Variants in PRKX observed in about 807,000 individuals in gnomAD.
PRKX encodes the protein cAMP-dependent protein kinase catalytic subunit PRKX.
PRKX carries 12 observed loss-of-function variants against 22.0 expected under a neutral mutation model. The observed-to-expected ratio is 0.54, with a 90% CI of 0.35 to 0.88. PRKX has a LOEUF of 0.88. Ranked by LOEUF, PRKX falls within the 40% of genes least tolerant of loss-of-function variation. PRKX has a pLI of 0.01. For missense variants in PRKX, 217 were observed against 308.0 expected, an observed-to-expected ratio of 0.70 and a Z score of 2.21; for synonymous variants, 134 against 137.7, an observed-to-expected ratio of 0.97 and a Z score of 0.19.
rs377691770 is a variant in PRKX, at chrX:3,674,517, G to A, written c.335+81C>T. 2.6e-5 allele frequency: 28 copies of A among 1,064,084 alleles called. No individual in the cohort carries two copies. The African/African-American group carries it at 3.9e-4, about 15-fold the overall frequency. 87.7% of individuals were successfully genotyped at this position (1,064,084 alleles called of 1,213,427 possible). ...GGCTTTGCACGCAGGCCATGGTCTC[G>A]GCCCACCCAGCTTCTTATAAGAAGA... is the stretch of plus-strand genomic sequence containing the variant. On this transcript the variant is annotated intron_variant, in intron 2 of 8. Coordinates refer to ENST00000262848, the MANE Select transcript of PRKX (RefSeq NM_005044.5).
intron 3 of PRKX, among the ~76,000 whole-genome samples, chrX:3,650,260 G>A (rs1479744405): frequency 4.5e-5 from 5 of 111,378 alleles, no homozygotes; most frequent in South Asian, 3.8e-4. Context: ...GGTGGCTCAC[G>A]CCTGTAATCC....
intron 4 of PRKX, among the ~76,000 whole-genome samples, chrX:3,634,759 C>A (rs745395429): frequency 8.9e-6 from 1 of 112,046 alleles, no homozygotes; most frequent in African/African-American, 3.2e-5. Context: ...GACGAGACCA[C>A]AGCTCACCGC....
chrX:3,615,555 A>G (rs1219285617), intron 7 of PRKX, among the ~76,000 whole-genome samples: 1 of 111,655 alleles, frequency 9.0e-6, no homozygotes, highest in Non-Finnish European at 1.9e-5. Context: ...ATAAGTGTCC[A>G]TCCAGGGATG....
chrX:3,685,643 G>T (rs1306416237), intron 1 of PRKX, among the ~76,000 whole-genome samples: 1 of 111,114 alleles, frequency 9.0e-6, no homozygotes, highest in Non-Finnish European at 1.9e-5. Context: ...ATTTGGCAAG[G>T]ACTCCTCCCA....
At position 3,655,416 on chromosome X, in the gene PRKX, C is replaced by T. The variant is rs370063750; in HGVS notation, c.336-4G>A. 3.0e-5 allele frequency: 36 copies of T among 1,210,454 alleles called. No individual in the cohort carries two copies. The highest frequency in any genetic ancestry group is 3.6e-5 in the Non-Finnish European group (32 of 895,270). On this transcript the variant is annotated splice_polypyrimidine_tract_variant and splice_region_variant and intron_variant, in intron 2 of 8. Coordinates refer to ENST00000262848, the MANE Select transcript of PRKX (RefSeq NM_005044.5). ...CTCGTCATGCCACGTCCAGAACCTG[C>T]GGGGACAGACAGCACATGCTCAGGG...
chrX:3,678,048 T>C (rs1389730704), intron 1 of PRKX, among the ~76,000 whole-genome samples: 1 of 111,888 alleles, frequency 8.9e-6, no homozygotes, highest in Non-Finnish European at 1.9e-5. Flanking sequence ...CTTTGAGGAC[T>C]GTGAACTGAT....
At chrX:3,704,226 A>T (rs967481320) in intron 1 of PRKX, among the ~76,000 whole-genome samples, 3 of 111,769 alleles carry the variant, frequency 2.7e-5, no homozygotes, top group Admixed American at 9.5e-5. Flanking sequence ...CTGGAAAAAA[A>T]GGGGCCTGCC....
At chrX:3,707,573 C>T (rs1396567919) in intron 1 of PRKX, among the ~76,000 whole-genome samples, 3 of 111,045 alleles carry the variant, frequency 2.7e-5, no homozygotes, top group Non-Finnish European at 5.6e-5. Context: ...CTGGGCAACA[C>T]AGCGAGACCC....
rs780381631 is a variant in PRKX at position 3,649,006 on chromosome X, G to GA, written c.599+6142dup. 7.2e-5 allele frequency among the ~76,000 whole-genome samples: 8 copies of GA among 111,709 alleles called. No homozygotes were observed. The East Asian group carries it at 2.2e-3, about 31-fold the overall frequency. On this transcript the variant is annotated intron_variant, in intron 3 of 8. Transcript: ENST00000262848. ...ACAAAAAAGAGCTGTTGCAGAGAAA[G>GA]AAAACCATCTGTTATGGTTTAAAGA...
chrX:3,655,122 T>A, intron 3 of PRKX, 27 bp downstream of exon 3: 1 of 1,209,781 alleles, frequency 8.3e-7, no homozygotes, highest in Non-Finnish European at 1.1e-6. Flanking sequence ...GCAGTGTAGA[T>A]TCCATCGGAG....
At chrX:3,652,291 G>A (rs931123848) in intron 3 of PRKX, among the ~76,000 whole-genome samples, 5 of 110,299 alleles carry the variant, frequency 4.5e-5, no homozygotes, top group African/African-American at 1.7e-4. Flanking sequence ...GGTGGCGGGC[G>A]CCCGTAGTCC....
In PRKX at chrX:3,655,381, A is replaced by G. The variant is rs1221175527; in HGVS notation, c.367T>C (p.Tyr123His). 8.3e-7 allele frequency: 1 copy of G among 1,210,981 alleles called. No homozygotes were observed. Among genetic ancestry groups the G allele is most frequent in the Non-Finnish European group, 1.1e-6 (1 of 895,472 alleles). The stretch of plus-strand genomic sequence containing the variant: ...CCCGGCACGTACTCCATGAGCATGT[A>G]GAGGAAGCGCTCGTCATGCCACGTC... ...FWTWHDERFL[Y>H]MLMEYVPGGE... Residue 123 changes from tyrosine to histidine, a missense_variant, in exon 3 of 9, where the codon TAC becomes CAC. Tyr to His is a moderately conservative substitution (Grantham distance 83). Transcript: ENST00000262848.
chrX:3,645,410 C>T (rs1482465317), intron 3 of PRKX, among the ~76,000 whole-genome samples: 10 of 111,672 alleles, frequency 9.0e-5, no homozygotes, highest in African/African-American at 2.6e-4. Flanking sequence ...AACTGTGCAC[C>T]CCCCAAAGTC....
intron 8 of PRKX, among the ~76,000 whole-genome samples, chrX:3,609,159 T>G (rs1339398091): frequency 9.1e-6 from 1 of 110,334 alleles, no homozygotes; most frequent in African/African-American, 3.3e-5. Flanking sequence ...AGGTAAGGGG[T>G]TTTTTTGGTT....
At chrX:3,623,190 T>G (rs1926594895) in intron 5 of PRKX, among the ~76,000 whole-genome samples, 1 of 96,832 alleles carries the variant, frequency 1.0e-5, no homozygotes, top group Non-Finnish European at 2.1e-5. Context: ...GTGTGTGTCA[T>G]GTAAGAAAAC....
intron 1 of PRKX, among the ~76,000 whole-genome samples, chrX:3,701,061 AT>A (rs752572814): frequency 1.1e-4 from 12 of 109,239 alleles, no homozygotes; most frequent in Non-Finnish European, 1.5e-4. Context: ...TATATAAATT[AT>A]TTTTTTCTTC....
chrX:3,662,715 A>AT (rs1376562221), intron 2 of PRKX, among the ~76,000 whole-genome samples: 2,066 of 104,853 alleles, frequency 0.02, 19 homozygotes, highest in Non-Finnish European at 0.031. Context: ...AAAAAAAAAA[A>AT]TTAAAAATTA....
intron 1 of PRKX, among the ~76,000 whole-genome samples, chrX:3,701,597 G>C (rs1267720224): frequency 3.6e-5 from 4 of 112,514 alleles, no homozygotes; most frequent in Non-Finnish European, 7.5e-5. Flanking sequence ...ATCTGAACCA[G>C]AGCAACTCCA....
At chrX:3,699,575 A>C (rs956624887) in intron 1 of PRKX, among the ~76,000 whole-genome samples, 1 of 111,260 alleles carries the variant, frequency 9.0e-6, no homozygotes, top group African/African-American at 3.3e-5. Flanking sequence ...GATGGTCTCA[A>C]ACTCCTGACC....
Sources: allele counts gnomAD v4.1 joint callset (sites outside exome capture counted in the v4.1 genomes callset), GRCh38; gene constraint gnomAD v4.1.1; transcripts MANE v1.5; gene names NCBI Gene and HGNC (gene_info 2026-07-23, HGNC 2026-07-21).